The following SYVN1 variants were observed in gnomAD, a reference collection of about 807,000 sequenced individuals.
SYVN1 encodes the protein E3 ubiquitin-protein ligase synoviolin.
A neutral mutation model predicts 62.6 loss-of-function variants in SYVN1; 17 were observed. The ratio of observed to expected loss-of-function variants is 0.27; its 90% CI spans 0.19 to 0.41. SYVN1 has a LOEUF of 0.41. SYVN1 is among the 10% of genes least tolerant of loss of function. SYVN1 has a pLI of 1.00. For synonymous variants in SYVN1, 316 were observed against 304.0 expected (o/e 1.04, Z -0.41); for missense variants, 634 against 818.0 (o/e 0.78, Z 2.74).
At position 65,129,904 on chromosome 11, in the gene SYVN1, T is replaced by C. The variant is rs147786390; in HGVS notation, c.1420A>G (p.Met474Val). The C allele has an allele frequency of 3.5e-5, 57 of 1,613,508 alleles. No homozygotes were observed. The highest frequency in any genetic ancestry group is 1.6e-4 in the Middle Eastern group (1 of 6,082). The change falls in exon 14 of 16, where the codon ATG becomes GTG. Residue 474 changes from methionine (M) to valine (V), a missense_variant. Met to Val is a conservative substitution (Grantham distance 21). Coordinates refer to ENST00000377190, the MANE Select transcript of SYVN1 (RefSeq NM_172230.3). ...GCAAAGCCCGCAGGGGGCACAGGCA[T>C]TGGGGGGAAGGCTGGAGAGAGAGAG... ...PLPPPFAFPPMPVPPAGFAGL... is the reference protein window; with the variant it reads ...PLPPPFAFPPVPVPPAGFAGL...
At position 65,133,529 on chromosome 11, in the gene SYVN1, G is replaced by A. The variant is rs1948208072; in HGVS notation, c.73C>T (p.Leu25Phe). 3 of 1,613,564 alleles carry A rather than the reference G, an allele frequency of 1.9e-6. No homozygotes were observed. The highest frequency in any genetic ancestry group is 1.1e-5 in the South Asian group (1 of 91,088). ...ACAGTGGGGTAGAACTGGTGTTTGAGGTAGTAGGCGTGAGCCACCACAGCC... is the reference window on the plus strand; with the variant it reads ...ACAGTGGGGTAGAACTGGTGTTTGAAGTAGTAGGCGTGAGCCACCACAGCC... ...TGAVVAHAYY[L>F]KHQFYPTVVY... The change falls in exon 2 of 16, where the codon CTC becomes TTC. Residue 25 changes from leucine (L) to phenylalanine (F), a missense_variant. Coordinates refer to ENST00000377190, the MANE Select transcript of SYVN1 (RefSeq NM_172230.3).
At chr11:65,130,586 C>G (rs1190730683) in intron 11 of SYVN1, 74 bp downstream of exon 11, 7 of 1,473,130 alleles carry the variant, frequency 4.8e-6, no homozygotes, top group Non-Finnish European at 6.3e-6. Context: ...TCTCCAATTT[C>G]CCAGCATCTT....
chr11:65,133,743 G>T, intron 1 of SYVN1, 125 bp from the exon 2 acceptor site: 5 of 768,290 alleles, frequency 6.5e-6, no homozygotes, highest in Non-Finnish European at 1.0e-5. Context: ...GAAATCATCA[G>T]ACAAAGAATA....
rs746556561 is a variant in SYVN1 at position 65,131,463 on chromosome 11, C to A, written c.658+7G>T. 6.2e-7 allele frequency: 1 copy of A among 1,614,098 alleles called. No individual in the cohort carries two copies. Among genetic ancestry groups the A allele is most frequent in the Admixed American group, 1.7e-5 (1 of 60,016 alleles). ...TCCAGATCAGGAGAGGCCCAGGCCC[C>A]TCTCACCTGTAAACAGCTCTGTGTA... On this transcript the variant is annotated splice_region_variant and intron_variant, in intron 7 of 15. Coordinates refer to ENST00000377190, the MANE Select transcript of SYVN1 (RefSeq NM_172230.3).
chr11:65,131,678 C>T lies in SYVN1; in HGVS notation c.532-82G>A, dbSNP rs945791028. 11 of 1,524,678 alleles carry T rather than the reference C, an allele frequency of 7.2e-6. No individual in the cohort carries two copies. In the Admixed American group the frequency reaches 1.1e-4, roughly 15 times the overall value. 94.4% of individuals were successfully genotyped at this position (1,524,678 alleles called of 1,614,324 possible). A position where few individuals can be genotyped will look rare whatever the true frequency, so the allele number is the denominator to read the frequency against. On this transcript the variant is annotated intron_variant, in intron 6 of 15. Transcript: ENST00000377190. ...CACATTGCTCCCCAAGGCCTCTGCA[C>T]AGCAGGTGCAGTGGTACAATCACAG...
intron 5 of SYVN1, 23 bp downstream of exon 5, chr11:65,132,709 C>T (rs759819127): frequency 1.4e-5 from 23 of 1,613,662 alleles, no homozygotes; most frequent in Non-Finnish European, 1.8e-5. Context: ...GTCCTCCCTT[C>T]CCCTCCCCTG....
intron 6 of SYVN1, 152 bp from the exon 7 acceptor site, chr11:65,131,748 C>T (rs1187789797): frequency 2.3e-6 from 2 of 869,802 alleles, no homozygotes; most frequent in Non-Finnish European, 3.4e-6. Flanking sequence ...CACTTACTAG[C>T]TGTGACTTTT....
intron 2 of SYVN1, 89 bp downstream of exon 2, chr11:65,133,381 A>G: frequency 6.3e-7 from 1 of 1,584,686 alleles, no homozygotes; most frequent in Non-Finnish European, 8.6e-7. Context: ...CTACTTCCCT[A>G]CTTACCTGAC....
chr11:65,131,460 C>A lies in SYVN1; in HGVS notation c.658+10G>T. Reference sequence around the variant, plus strand: ...TGGTCCAGATCAGGAGAGGCCCAGGCCCCTCTCACCTGTAAACAGCTCTGT... The same window carrying A: ...TGGTCCAGATCAGGAGAGGCCCAGGACCCTCTCACCTGTAAACAGCTCTGT... On this transcript the variant is annotated intron_variant, in intron 7 of 15. Coordinates refer to ENST00000377190, the MANE Select transcript of SYVN1 (RefSeq NM_172230.3). The A allele has an allele frequency of 6.2e-7, 1 of 1,614,034 alleles. No individual in the cohort carries two copies. The highest frequency in any genetic ancestry group is 8.5e-7 in the Non-Finnish European group (1 of 1,179,952).
rs1565349224 is a variant in SYVN1, at chr11:65,132,791, G to GCA, written c.379-13_379-12dup. The GCA allele has an allele frequency of 6.2e-7, 1 of 1,614,138 alleles. No individual in the cohort carries two copies. Among genetic ancestry groups the GCA allele is most frequent in the South Asian group, 1.1e-5 (1 of 91,084 alleles). On this transcript the variant is annotated splice_polypyrimidine_tract_variant and intron_variant, in intron 4 of 15. Transcript: ENST00000377190. Reference sequence around the variant, plus strand: ...GGGGCTGCGTTCCATCTGAGGCAGAGCACAGAAGAGGCCTGTCAGGAGGCC... The same window carrying GCA: ...GGGGCTGCGTTCCATCTGAGGCAGAGCACACAGAAGAGGCCTGTCAGGAGGCC...
intron 14 of SYVN1, chr11:65,129,423 A>G (rs1948145935): frequency 3.4e-6 from 1 of 290,028 alleles, no homozygotes; most frequent in East Asian, 6.0e-5. Context: ...ACATCTCAGA[A>G]GAATATCATG....
chr11:65,131,147 C>T lies in SYVN1; in HGVS notation c.809G>A (p.Arg270His), dbSNP rs1401773316. The change falls in exon 9 of 16, where the codon CGC (arginine) becomes CAC (histidine). Residue 270 changes from arginine to histidine, a missense_variant. By Grantham distance (29) the Arg-to-His change is conservative. This residue lies in a region of SYVN1 where 283 missense variants were observed against 444.7 expected (regional missense o/e 0.64). Coordinates refer to ENST00000377190, the MANE Select transcript of SYVN1 (RefSeq NM_172230.3). ...GCCTACTTACAGGGTGTTCATGTTG[C>T]GGATGGCTCGGCGAGACATGATGGC... is the stretch of plus-strand genomic sequence containing the variant. ...TDAIMSRRAIRNMNTLYPDAT... is the reference protein window; with the variant it reads ...TDAIMSRRAIHNMNTLYPDAT... 1.5e-5 allele frequency: 24 copies of T among 1,614,016 alleles called. No homozygotes were observed. The highest frequency in any genetic ancestry group is 1.9e-5 in the Non-Finnish European group (22 of 1,180,024).
rs753662357 is a variant in SYVN1 at position 65,130,826 on chromosome 11, G to A, written c.942-3C>T. On this transcript the variant is annotated splice_region_variant and splice_polypyrimidine_tract_variant and intron_variant, in intron 10 of 15. Coordinates refer to ENST00000377190, the MANE Select transcript of SYVN1 (RefSeq NM_172230.3). The stretch of plus-strand genomic sequence containing the variant: ...GCTGGAACCAGGAGCGCAGGCAGCT[G>A]CGGGTCAAGGCCAGGCAGAGGTCAG... The A allele has an allele frequency of 4.5e-6, 7 of 1,572,138 alleles. No individual in the cohort carries two copies. In the South Asian group the frequency reaches 7.0e-5, roughly 16 times the overall value.
intron 6 of SYVN1, among the ~76,000 whole-genome samples, chr11:65,131,965 T>G (rs1408500138): frequency 6.6e-6 from 1 of 152,180 alleles, no homozygotes; most frequent in Non-Finnish European, 1.5e-5. Context: ...TCCATGGAAC[T>G]AATCCTCTCC....
At position 65,131,319 on chromosome 11, in the gene SYVN1, T is replaced by C; in HGVS notation, c.713A>G (p.His238Arg). The change falls in exon 8 of 16, where the codon CAC becomes CGC. Residue 238 changes from histidine (H) to arginine (R), a missense_variant. Around this residue, in one of 2 missense-constraint regions of SYVN1, gnomAD observed 283 missense variants for 444.7 expected, o/e 0.64. Coordinates refer to ENST00000377190, the MANE Select transcript of SYVN1 (RefSeq NM_172230.3). ...MAFMTIMIKV[H>R]TFPLFAIRPM... The stretch of plus-strand genomic sequence containing the variant: ...CCGGATGGCAAAGAGTGGGAAGGTG[T>C]GCACCTTGATCATGATGGTCATGAA... The C allele has an allele frequency of 6.2e-7, 1 of 1,613,946 alleles. No homozygotes were observed. Among genetic ancestry groups the C allele is most frequent in the Non-Finnish European group, 8.5e-7 (1 of 1,179,966 alleles).
rs1948158783 is a variant in SYVN1 at position 65,130,180 on chromosome 11, A to G, written c.1235-5T>C. On this transcript the variant is annotated splice_region_variant and splice_polypyrimidine_tract_variant and intron_variant, in intron 12 of 15. Transcript: ENST00000377190. ...CACTGGGCCGAGAAAGGGCTGCTGA[A>G]GAGCAGGAACGAAGTCAGTGAGTGT... 5 of 1,605,480 alleles carry G rather than the reference A, an allele frequency of 3.1e-6. No individual in the cohort carries two copies. The South Asian group carries it at 5.6e-5, about 18-fold the overall frequency.
intron 5 of SYVN1, 134 bp downstream of exon 5, chr11:65,132,598 C>G (rs753040219): frequency 8.9e-7 from 1 of 1,127,682 alleles, no homozygotes; most frequent in South Asian, 1.3e-5. Flanking sequence ...TAGAGTGGAA[C>G]AGCACAGAGA....
At position 65,130,186 on chromosome 11, in the gene SYVN1, G is replaced by C. The variant is rs1948158946; in HGVS notation, c.1235-11C>G. On this transcript the variant is annotated splice_polypyrimidine_tract_variant and intron_variant, in intron 12 of 15. Transcript: ENST00000377190. ...GCCGAGAAAGGGCTGCTGAAGAGCA[G>C]GAACGAAGTCAGTGAGTGTTCCATC... 1.9e-6 allele frequency: 3 copies of C among 1,606,284 alleles called. No individual in the cohort carries two copies. The highest frequency in any genetic ancestry group is 2.7e-5 in the African/African-American group (2 of 74,764).
Position 65,128,473 on chromosome 11 carries a change from C to T in SYVN1, c.1763G>A (p.Gly588Asp). The T allele has an allele frequency of 1.9e-6, 3 of 1,614,096 alleles. No individual in the cohort carries two copies. Among genetic ancestry groups the T allele is most frequent in the Non-Finnish European group, 2.5e-6 (3 of 1,179,990 alleles). Residue 588 changes from glycine (G) to aspartate (D), a missense_variant, in exon 16 of 16, where the codon GGC becomes GAC. Around this residue, in one of 2 missense-constraint regions of SYVN1, gnomAD observed 351 missense variants for 373.3 expected, o/e 0.94. Coordinates refer to ENST00000377190, the MANE Select transcript of SYVN1 (RefSeq NM_172230.3). ...TCCATCCTCAGGCATCTCCTCTGTGCCCACTGACTCAGGAGCTGGGGACAG... is the reference window on the plus strand; with the variant it reads ...TCCATCCTCAGGCATCTCCTCTGTGTCCACTGACTCAGGAGCTGGGGACAG... ...MERPPAPESVGTEEMPEDGEP... is the reference protein window; with the variant it reads ...MERPPAPESVDTEEMPEDGEP...
Sources: gnomAD v4.1 joint callset for allele counts (sites outside exome capture counted in the v4.1 genomes callset) on GRCh38, gnomAD v4.1.1 for gene constraint, gnomAD v4.1.1 regional missense constraint, MANE v1.5 for transcripts, NCBI Gene and HGNC (gene_info 2026-07-23, HGNC 2026-07-21) for gene names.